Variants in VMA12 observed in about 807,000 individuals in gnomAD.
VMA12 encodes vacuolar ATPase assembly protein VMA12.
chr17:28,357,750 C>T, the VMA12 span: 2 of 1,613,454 alleles, frequency 1.2e-6, no homozygotes, highest in South Asian at 1.1e-5. Context: ...GAGCGGCTAC[C>T]CCGAAAGCTG....
At chr17:28,358,209 CAGCTT>C in the VMA12 span, 1 of 404,808 alleles carries the variant, frequency 2.5e-6, no homozygotes, top group Non-Finnish European at 4.7e-6. Context: ...CTTTAGGAAT[CAGCTT>C]AGCATAGTGA....
the VMA12 span, chr17:28,360,870 A>G: frequency 1.9e-6 from 3 of 1,594,646 alleles, no homozygotes; most frequent in South Asian, 3.3e-5. Context: ...TGGGCAGGGC[A>G]GGGTGCCCCT....
chr17:28,362,822 G>T, the VMA12 span: 1 of 152,140 alleles, frequency 6.6e-6, no homozygotes, highest in Non-Finnish European at 1.5e-5. Flanking sequence ...AAAAGCAGGG[G>T]GCACTGGGAG....
the VMA12 span, chr17:28,360,296 T>A: frequency 8.4e-6 from 4 of 477,544 alleles, no homozygotes; most frequent in South Asian, 2.2e-5. Context: ...CCTACTACTC[T>A]ATGGCATGCT....
the VMA12 span, chr17:28,359,503 G>A: frequency 8.8e-7 from 1 of 1,134,268 alleles, no homozygotes; most frequent in Admixed American, 2.0e-5. Context: ...TGGAAACTTG[G>A]TTTCTATACT....
At chr17:28,359,060 T>G in the VMA12 span, 1 of 1,387,742 alleles carries the variant, frequency 7.2e-7, no homozygotes, top group South Asian at 1.3e-5. Context: ...ACTGAACTTA[T>G]AAATCAACTT....
the VMA12 span, chr17:28,359,214 C>T: frequency 2.0e-5 from 26 of 1,294,670 alleles, no homozygotes; most frequent in Non-Finnish European, 2.4e-5. Context: ...TGTGGGTCTC[C>T]TGATACCTTT....
the VMA12 span, chr17:28,359,329 T>G: frequency 6.2e-7 from 1 of 1,614,098 alleles, no homozygotes; most frequent in Middle Eastern, 1.6e-4. Context: ...CAGAACTAGT[T>G]GCCCGGCTGG....
the VMA12 span, chr17:28,359,253 T>C: frequency 6.4e-7 from 1 of 1,562,260 alleles, no homozygotes; most frequent in Non-Finnish European, 8.8e-7. Context: ...GAACCAATGA[T>C]TGTGATGTGC....
chr17:28,360,817 A>G, the VMA12 span: 1 of 1,613,956 alleles, frequency 6.2e-7, no homozygotes. Context: ...CTTACCTTGG[A>G]AGCCAATATA....
chr17:28,357,884 G>T, the VMA12 span: 5 of 1,613,776 alleles, frequency 3.1e-6, no homozygotes, highest in East Asian at 6.7e-5. Context: ...AGAAAGGGGT[G>T]AGCCCCAGTC....
chr17:28,357,670 T>TA, the VMA12 span: 1 of 1,612,026 alleles, frequency 6.2e-7, no homozygotes, highest in Non-Finnish European at 8.5e-7. Flanking sequence ...GCCGGCTAGA[T>TA]ATGGCGTCCT....
the VMA12 span, chr17:28,358,205 G>A: frequency 2.4e-6 from 1 of 409,478 alleles, no homozygotes; most frequent in South Asian, 2.1e-5. Flanking sequence ...TCCACTTTAG[G>A]AATCAGCTTA....
At chr17:28,357,942 G>A in the VMA12 span, 2 of 1,571,698 alleles carry the variant, frequency 1.3e-6, no homozygotes, top group East Asian at 4.5e-5. Context: ...CCCTCCTGAG[G>A]TCTTTTCCCA....
the VMA12 span, chr17:28,357,711 C>T: frequency 1.9e-6 from 3 of 1,613,076 alleles, no homozygotes; most frequent in Non-Finnish European, 2.5e-6. Flanking sequence ...TTGGTGCGTG[C>T]TTTGGGCCCC....
the VMA12 span, chr17:28,357,664 G>A: frequency 1.9e-6 from 3 of 1,611,386 alleles, no homozygotes; most frequent in Non-Finnish European, 1.7e-6. Flanking sequence ...CGGAGAGCCG[G>A]CTAGATATGG....
At chr17:28,357,698 C>T in the VMA12 span, 22 of 1,612,762 alleles carry the variant, frequency 1.4e-5, no homozygotes, top group Non-Finnish European at 1.9e-5. Context: ...TGCGGGCGAG[C>T]GATTGGTGCG....
chr17:28,361,562 T>G, the VMA12 span: 2 of 307,772 alleles, frequency 6.5e-6, no homozygotes, highest in Non-Finnish European at 1.2e-5. Context: ...GACTAGGGTT[T>G]TTCCATCAGG....
At chr17:28,357,902 CG>C in the VMA12 span, 7 of 1,612,678 alleles carry the variant, frequency 4.3e-6, no homozygotes, top group Non-Finnish European at 5.9e-6. Context: ...GTCTCCAGTC[CG>C]GGGTCCCCTC....
Sources: gnomAD v4.1 joint callset for allele counts on GRCh38, gnomAD v4.1.1 for gene constraint, MANE v1.5 for transcripts, NCBI Gene and HGNC (gene_info 2026-07-23, HGNC 2026-07-21) for gene names.